The following CTNNA2 variants were observed in gnomAD, a reference collection of about 807,000 sequenced individuals.
The protein encoded by CTNNA2 is catenin alpha 2, also known as catenin alpha-2.
CTNNA2 carries 42 observed loss-of-function variants against 101.0 expected under a neutral mutation model. That is an observed-to-expected ratio of 0.42 (90% CI 0.32 to 0.54). CTNNA2 has a LOEUF of 0.54. Ranked by LOEUF, CTNNA2 falls within the 20% of genes least tolerant of loss-of-function variation. The pLI is 0.14. For synonymous variants in CTNNA2, 450 were observed against 456.4 expected, an observed-to-expected ratio of 0.99 and a Z score of 0.18; for missense variants, 871 against 1,223.1, an observed-to-expected ratio of 0.71 and a Z score of 4.29.
At chr2:79,755,095 G>A (rs758048338) in intron 3 of CTNNA2, among the ~76,000 whole-genome samples, 5 of 152,056 alleles carry the variant, frequency 3.3e-5, no homozygotes, top group Non-Finnish European at 7.4e-5. Flanking sequence ...GGATGCTAAG[G>A]TGGGAGGATT....
At chr2:79,321,778 G>T (rs147676783) in intron 3 of CTNNA2, among the ~76,000 whole-genome samples, 56 of 150,352 alleles carry the variant, frequency 3.7e-4, no homozygotes, top group African/African-American at 1.3e-3. Context: ...CCTAGTTCCT[G>T]CCACCACTGT....
At chr2:79,766,443 G>C (rs936886361) in intron 3 of CTNNA2, among the ~76,000 whole-genome samples, 6 of 152,204 alleles carry the variant, frequency 3.9e-5, no homozygotes, top group Admixed American at 3.3e-4. Flanking sequence ...TTATTTTTCT[G>C]CTTTTAGTAT....
intron 2 of CTNNA2, among the ~76,000 whole-genome samples, chr2:79,707,926 CAT>C (rs1161562918): frequency 6.6e-6 from 1 of 152,190 alleles, no homozygotes; most frequent in Non-Finnish European, 1.5e-5. Flanking sequence ...TCTCTAAACA[CAT>C]GTCTTTCCTC....
chr2:79,759,049 G>A (rs1207448718), intron 3 of CTNNA2, among the ~76,000 whole-genome samples: 2 of 152,148 alleles, frequency 1.3e-5, no homozygotes, highest in Admixed American at 6.5e-5. Context: ...GTGGAGCTAA[G>A]CAGACACATT....
At chr2:80,489,627 G>GT (rs1346241973) in intron 9 of CTNNA2, among the ~76,000 whole-genome samples, 3 of 152,120 alleles carry the variant, frequency 2.0e-5, no homozygotes, top group Non-Finnish European at 1.5e-5. Context: ...TGGTAGGTTG[G>GT]TTTTTGAATG....
At chr2:79,215,026 G>A (rs1266736383) in intron 2 of CTNNA2, among the ~76,000 whole-genome samples, 1 of 152,042 alleles carries the variant, frequency 6.6e-6, no homozygotes, top group African/African-American at 2.4e-5. Context: ...CCTGAAGCTC[G>A]GCGTCCGTGA....
chr2:79,587,036 A>G (rs1676540023), intron 1 of CTNNA2, among the ~76,000 whole-genome samples: 1 of 152,130 alleles, frequency 6.6e-6, no homozygotes, highest in Non-Finnish European at 1.5e-5. Flanking sequence ...TCCATGATGT[A>G]TATATACCAC....
chr2:79,322,305 T>C (rs1676645244), intron 3 of CTNNA2, among the ~76,000 whole-genome samples: 1 of 152,222 alleles, frequency 6.6e-6, no homozygotes, highest in Non-Finnish European at 1.5e-5. Flanking sequence ...ATTCGTTTCA[T>C]TGTCTTGCCA....
At chr2:79,682,574 T>C (rs1378098829) in intron 2 of CTNNA2, among the ~76,000 whole-genome samples, 2 of 152,056 alleles carry the variant, frequency 1.3e-5, no homozygotes, top group Non-Finnish European at 2.9e-5. Context: ...ATAGCATAAA[T>C]AAAACATTTT....
At chr2:80,217,989 A>G (rs887963023) in intron 7 of CTNNA2, among the ~76,000 whole-genome samples, 26 of 152,308 alleles carry the variant, frequency 1.7e-4, no homozygotes, top group Admixed American at 1.6e-3. Flanking sequence ...TATCCTCTCA[A>G]TATGTTTGCA....
At chr2:79,789,991 A>T (rs1283663923) in intron 3 of CTNNA2, among the ~76,000 whole-genome samples, 3 of 152,190 alleles carry the variant, frequency 2.0e-5, no homozygotes, top group African/African-American at 7.2e-5. Context: ...AGCCAATTAG[A>T]AAAACAGATC....
Position 79,805,698 on chromosome 2 carries a change from G to A in CTNNA2, c.299-52315G>A, listed in dbSNP as rs532576812. ...CATGCCTGTAATCCCAGCACTTTGGGAGGCTGAGATGGGTGGATCACGAGG... is the reference window on the plus strand; with the variant it reads ...CATGCCTGTAATCCCAGCACTTTGGAAGGCTGAGATGGGTGGATCACGAGG... On this transcript the variant is annotated intron_variant, in intron 3 of 18. Transcript: ENST00000402739. Among the ~76,000 whole-genome samples, 4 of 152,260 alleles carry A rather than the reference G, an allele frequency of 2.6e-5. 1 individual carries two copies. Among genetic ancestry groups the A allele is most frequent in the African/African-American group, 9.6e-5 (4 of 41,558 alleles).
chr2:79,853,946 G>T (rs897248978), intron 3 of CTNNA2, among the ~76,000 whole-genome samples: 63 of 152,066 alleles, frequency 4.1e-4, no homozygotes, highest in African/African-American at 1.5e-3. Flanking sequence ...GGGATTACAG[G>T]TGTGAGCCAC....
intron 9 of CTNNA2, among the ~76,000 whole-genome samples, chr2:80,437,013 C>G (rs1000184530): frequency 3.9e-5 from 6 of 152,178 alleles, no homozygotes; most frequent in Admixed American, 3.9e-4. Context: ...ATGAGGGCTT[C>G]ATCCTCATAA....
Position 80,532,446 on chromosome 2 carries a change from G to A in CTNNA2, c.1291-12536G>A, listed in dbSNP as rs936165065. 2.6e-5 allele frequency among the ~76,000 whole-genome samples: 4 copies of A among 152,256 alleles called. No individual in the cohort carries two copies. In the South Asian group the frequency reaches 8.3e-4, roughly 32 times the overall value. ...ATCCTTCTTGGTTATTAGATCTGCT[G>A]TAGAGGTATCCCAGTGCTTATGTTC... On this transcript the variant is annotated intron_variant, in intron 9 of 18. Transcript: ENST00000402739.
At chr2:79,888,927 A>G (rs541358204) in intron 6 of CTNNA2, among the ~76,000 whole-genome samples, 1 of 152,338 alleles carries the variant, frequency 6.6e-6, no homozygotes, top group Non-Finnish European at 1.5e-5. Flanking sequence ...GGACCCAAAT[A>G]AGGCCACTTA....
chr2:79,264,754 A>G (rs888048251), intron 2 of CTNNA2, among the ~76,000 whole-genome samples: 3 of 151,810 alleles, frequency 2.0e-5, no homozygotes, highest in East Asian at 3.9e-4. Context: ...TTAAACAGCA[A>G]TATGTTGTGT....
At chr2:80,267,274 A>G (rs1361605293) in intron 7 of CTNNA2, among the ~76,000 whole-genome samples, 1 of 152,218 alleles carries the variant, frequency 6.6e-6, no homozygotes, top group Non-Finnish European at 1.5e-5. Flanking sequence ...CAACTTTGAT[A>G]AATATGTCTA....
chr2:80,290,416 G>GA (rs979637934), intron 7 of CTNNA2, among the ~76,000 whole-genome samples: 2 of 151,732 alleles, frequency 1.3e-5, no homozygotes, highest in African/African-American at 2.4e-5. Context: ...CCGTGGGTAA[G>GA]AAAAAAAACA....
Sources: allele counts gnomAD v4.1 joint callset (sites outside exome capture counted in the v4.1 genomes callset), GRCh38; gene constraint gnomAD v4.1.1; transcripts MANE v1.5; gene names NCBI Gene and HGNC (gene_info 2026-07-23, HGNC 2026-07-21).